The following FRAS1 variants were observed in gnomAD, a reference collection of about 807,000 sequenced individuals.
FRAS1 encodes the protein Fraser extracellular matrix complex subunit 1.
Under a neutral mutation model 435.2 loss-of-function variants are expected in FRAS1, and 290 were observed. The observed-to-expected ratio is 0.67, with a 90% confidence interval of 0.61 to 0.73. The LOEUF (loss-of-function observed/expected upper bound fraction) is 0.73, where lower values mean the gene tolerates loss of function less well. FRAS1 is among the 30% of genes least tolerant of loss of function. The probability of loss-of-function intolerance (pLI) is 0.00; values close to 1 mark genes in which losing one functional copy is unlikely to be tolerated. For synonymous variants in FRAS1, 1,800 were observed against 1,851.0 expected, an observed-to-expected ratio of 0.97 and a Z score of 0.71; for missense variants, 4,860 against 5,001.5, an observed-to-expected ratio of 0.97 and a Z score of 0.85.
intron 29 of FRAS1, among the ~76,000 whole-genome samples, 177 bp downstream of exon 29, chr4:78,387,878 C>A (rs1018279827): frequency 1.3e-5 from 2 of 152,132 alleles, no homozygotes; most frequent in South Asian, 4.1e-4. Flanking sequence ...ATCTGAAAGA[C>A]CTGTCCCCAT....
chr4:78,273,099 A>G (rs1273943379), intron 9 of FRAS1, among the ~76,000 whole-genome samples: 1 of 152,058 alleles, frequency 6.6e-6, no homozygotes, highest in African/African-American at 2.4e-5. Flanking sequence ...TTCATGCATG[A>G]TTTGGCTCTC....
At chr4:78,511,095 C>T (rs1020245045) in intron 63 of FRAS1, among the ~76,000 whole-genome samples, 179 bp from the exon 64 acceptor site, 4 of 152,174 alleles carry the variant, frequency 2.6e-5, no homozygotes, top group Non-Finnish European at 5.9e-5. Flanking sequence ...ACTCACTGAT[C>T]TGTCTCAAGT....
chr4:78,310,650 T>A (rs1485901390), intron 15 of FRAS1, among the ~76,000 whole-genome samples: 3 of 152,214 alleles, frequency 2.0e-5, no homozygotes, highest in African/African-American at 7.2e-5. Context: ...AACTGGAGCT[T>A]ACGCGTTTTA....
At chr4:78,451,320 G>A (rs774796538) in intron 45 of FRAS1, among the ~76,000 whole-genome samples, 1 of 152,178 alleles carries the variant, frequency 6.6e-6, no homozygotes, top group Non-Finnish European at 1.5e-5. Flanking sequence ...GTTGCTCCGT[G>A]AACTGGGCAA....
rs117007924 is a variant in FRAS1, at chr4:78,184,716, G to A, written c.109-52794G>A. ...AGGGAGAGCAATTGTGGACCCAGGT[G>A]CTGTTTGGAGCCTCATTGACAAGGA... On this transcript the variant is annotated intron_variant, in intron 2 of 73. Coordinates refer to ENST00000512123, the MANE Select transcript of FRAS1 (RefSeq NM_025074.7). 7.7e-4 allele frequency among the ~76,000 whole-genome samples: 117 copies of A among 152,302 alleles called. 3 individuals carry two copies. In the East Asian group the frequency reaches 0.022, roughly 28 times the overall value.
intron 2 of FRAS1, among the ~76,000 whole-genome samples, chr4:78,232,163 T>C (rs1441998897): frequency 6.6e-6 from 1 of 152,192 alleles, no homozygotes; most frequent in Non-Finnish European, 1.5e-5. Flanking sequence ...GACCATATAA[T>C]TGATTTGTAA....
At chr4:78,128,616 G>A (rs1369196976) in intron 2 of FRAS1, among the ~76,000 whole-genome samples, 3 of 152,152 alleles carry the variant, frequency 2.0e-5, no homozygotes, top group East Asian at 1.9e-4. Flanking sequence ...TTTTTTTCTT[G>A]TAAATTTGTT....
intron 2 of FRAS1, among the ~76,000 whole-genome samples, chr4:78,124,087 T>A (rs1166426864): frequency 1.3e-5 from 2 of 152,230 alleles, no homozygotes; most frequent in Non-Finnish European, 2.9e-5. Context: ...TTTTGCCCAT[T>A]CAGTATGATA....
At chr4:78,446,989 TC>T in intron 43 of FRAS1, 109 bp downstream of exon 43, 1 of 1,069,454 alleles carries the variant, frequency 9.4e-7, no homozygotes, top group Non-Finnish European at 1.3e-6. Context: ...TATGGTACAT[TC>T]TTTGCATCAA....
Position 78,266,887 on chromosome 4 carries a change from T to C in FRAS1, c.741T>C (p.Gly247=). The change falls in exon 8 of 74, where the codon GGT becomes GGC. Residue 247 remains glycine, a synonymous_variant. Coordinates refer to ENST00000512123, the MANE Select transcript of FRAS1 (RefSeq NM_025074.7). Reference sequence around the variant, plus strand: ...GCACCACGTGTATATGTGACCGGGGTGAGGTCAGGTGTCACAAGCAGGCCT... The same window carrying C: ...GCACCACGTGTATATGTGACCGGGGCGAGGTCAGGTGTCACAAGCAGGCCT... ...NACTTCICDR[G]EVRCHKQACL... is the part of the protein sequence containing the mutation. 1 of 1,608,182 alleles carries C rather than the reference T, an allele frequency of 6.2e-7. No homozygotes were observed. The highest frequency in any genetic ancestry group is 1.7e-5 in the Admixed American group (1 of 59,366).
intron 37 of FRAS1, among the ~76,000 whole-genome samples, chr4:78,431,533 C>T (rs72869922): frequency 0.02 from 3,062 of 152,232 alleles, 116 homozygotes; most frequent in African/African-American, 0.07. Context: ...AATCTCAATA[C>T]ATAGCACTAG....
chr4:78,435,275 CA>C (rs1266337653), intron 38 of FRAS1, among the ~76,000 whole-genome samples: 2 of 152,060 alleles, frequency 1.3e-5, no homozygotes, highest in Admixed American at 1.3e-4. Context: ...CAAAAACAAA[CA>C]AACAAACAAA....
intron 2 of FRAS1, among the ~76,000 whole-genome samples, chr4:78,210,908 G>A (rs995329625): frequency 6.6e-6 from 1 of 152,152 alleles, no homozygotes; most frequent in African/African-American, 2.4e-5. Context: ...TGCAATGTGG[G>A]GAGTTTATGG....
intron 29 of FRAS1, among the ~76,000 whole-genome samples, chr4:78,392,183 C>T (rs1255347982): frequency 6.6e-6 from 1 of 152,114 alleles, no homozygotes; most frequent in Non-Finnish European, 1.5e-5. Context: ...TTCCTGCTTT[C>T]TTTATGCTGG....
chr4:78,161,536 C>T (rs1721136299), intron 2 of FRAS1, among the ~76,000 whole-genome samples: 2 of 151,758 alleles, frequency 1.3e-5, no homozygotes, highest in Admixed American at 1.3e-4. Flanking sequence ...AATAAGAATT[C>T]AATAAATGTT....
intron 2 of FRAS1, among the ~76,000 whole-genome samples, chr4:78,188,098 C>A (rs1239111998): frequency 6.6e-6 from 1 of 152,082 alleles, no homozygotes; most frequent in Non-Finnish European, 1.5e-5. Flanking sequence ...GTCTTGGTCA[C>A]CTGTCAACAG....
intron 2 of FRAS1, among the ~76,000 whole-genome samples, chr4:78,169,713 T>A (rs1410273821): frequency 6.6e-6 from 1 of 152,158 alleles, no homozygotes; most frequent in Non-Finnish European, 1.5e-5. Context: ...GCACCATTTT[T>A]CAATGCAGTA....
intron 2 of FRAS1, among the ~76,000 whole-genome samples, chr4:78,076,782 T>C (rs907139028): frequency 1.2e-4 from 19 of 152,044 alleles, no homozygotes; most frequent in Non-Finnish European, 2.4e-4. Flanking sequence ...CTCAAGTGCA[T>C]AGGAAAAAGA....
At chr4:78,525,485 A>G (rs1378683363) in intron 69 of FRAS1, among the ~76,000 whole-genome samples, 1 of 152,224 alleles carries the variant, frequency 6.6e-6, no homozygotes, top group African/African-American at 2.4e-5. Context: ...CCCAGTTTTC[A>G]GCCTGTGCCA....
Sources: gnomAD v4.1 joint callset for allele counts (sites outside exome capture counted in the v4.1 genomes callset) on GRCh38, gnomAD v4.1.1 for gene constraint, MANE v1.5 for transcripts, NCBI Gene and HGNC (gene_info 2026-07-23, HGNC 2026-07-21) for gene names.